The following ZNF208 variants were observed in gnomAD, a reference collection of about 807,000 sequenced individuals.
The protein encoded by ZNF208 is zinc finger protein 95.
ZNF208 carries 10 observed loss-of-function variants against 12.1 expected under a neutral mutation model. That is an observed-to-expected ratio of 0.83 (90% CI 0.51 to 1.40). ZNF208 has a LOEUF of 1.40. Ranked by LOEUF, ZNF208 falls within the 40% of genes most tolerant of loss-of-function variation. ZNF208 has a pLI of 0.00. For missense variants in ZNF208, 1,652 were observed against 1,485.0 expected, an observed-to-expected ratio of 1.11 and a Z score of -1.85; for synonymous variants, 497 against 488.4, an observed-to-expected ratio of 1.02 and a Z score of -0.23.
rs561530503 is a variant in ZNF208 at position 21,969,097 on chromosome 19, T to C, written c.*2094A>G. ...TAATTGGGAGGCTGAGGTGGGAGAA[T>C]GGCATGAACCTGGAAGCTAGACCTT... On this transcript the variant is annotated 3_prime_UTR_variant, in exon 4 of 4. Transcript: ENST00000397126. Among the ~76,000 whole-genome samples, 1 of 152,254 alleles carries C rather than the reference T, an allele frequency of 6.6e-6. No individual in the cohort carries two copies. The highest frequency in any genetic ancestry group is 6.5e-5 in the Admixed American group (1 of 15,278).
At chr19:21,987,006 T>C (rs571482431) in intron 3 of ZNF208, 1 of 518,096 alleles carries the variant, frequency 1.9e-6, no homozygotes, top group Admixed American at 3.8e-5. Context: ...TGAAGGAAGA[T>C]TACTGAAGGG....
intron 1 of ZNF208, among the ~76,000 whole-genome samples, chr19:22,004,001 T>C (rs1050697594): frequency 1.3e-5 from 2 of 151,544 alleles, no homozygotes; most frequent in South Asian, 2.1e-4. Flanking sequence ...AAATCCCATC[T>C]ATAAAAAAAA....
At chr19:21,956,449 A>G (rs1023259076) in intron 4 of ZNF208, among the ~76,000 whole-genome samples, 1 of 152,226 alleles carries the variant, frequency 6.6e-6, no homozygotes, top group Non-Finnish European at 1.5e-5. Context: ...GAATCTACAG[A>G]GGCAGGCAGG....
At position 21,974,711 on chromosome 19, in the gene ZNF208, T is replaced by G. The variant is rs567221926; in HGVS notation, c.323A>C (p.His108Pro). ...VILRRYEKCG[H>P]ENLHLKIGYT... ...ACCAATTTTTAAGTGTAAATTCTCA[T>G]GTCCACATTTTTCATACCTTCTCAA... The change falls in exon 4 of 4, where the codon CAT becomes CCT. Residue 108 changes from histidine to proline, a missense_variant. Around this residue, in one of 3 missense-constraint regions of ZNF208, gnomAD observed 410 missense variants for 378.2 expected, o/e 1.08. Coordinates refer to ENST00000397126, the MANE Select transcript of ZNF208 (RefSeq NM_007153.3). 8.7e-6 allele frequency: 14 copies of G among 1,613,598 alleles called. No individual in the cohort carries two copies. In the Admixed American group the frequency reaches 1.2e-4, roughly 13 times the overall value.
At chr19:21,984,170 T>C (rs1970593720) in intron 3 of ZNF208, among the ~76,000 whole-genome samples, 1 of 152,166 alleles carries the variant, frequency 6.6e-6, no homozygotes, top group Non-Finnish European at 1.5e-5. Context: ...AAAGAAGTCT[T>C]ACCAAGTTTT....
chr19:21,989,986 C>G (rs563750308), intron 1 of ZNF208, among the ~76,000 whole-genome samples: 1 of 152,160 alleles, frequency 6.6e-6, no homozygotes, highest in South Asian at 2.1e-4. Flanking sequence ...GATATTAGCC[C>G]TTTGTCAGAT....
intron 4 of ZNF208, among the ~76,000 whole-genome samples, chr19:21,956,206 T>C (rs950100545): frequency 3.9e-5 from 6 of 152,156 alleles, no homozygotes; most frequent in Non-Finnish European, 7.4e-5. Context: ...AAGCTTCATC[T>C]CAGAGGGGCA....
intron 4 of ZNF208, among the ~76,000 whole-genome samples, chr19:21,944,456 T>A (rs970084453): frequency 6.6e-6 from 1 of 152,134 alleles, no homozygotes; most frequent in Non-Finnish European, 1.5e-5. Flanking sequence ...TTAGAAAAAA[T>A]AAATATATTA....
chr19:21,961,362 A>G (rs1405426478), downstream of ZNF208, among the ~76,000 whole-genome samples: 4 of 152,188 alleles, frequency 2.6e-5, no homozygotes, highest in African/African-American at 9.7e-5. Flanking sequence ...GGGCAAAAAG[A>G]GAACAAAGAT....
At chr19:21,954,787 C>T (rs1246867674) in intron 4 of ZNF208, among the ~76,000 whole-genome samples, 1 of 152,094 alleles carries the variant, frequency 6.6e-6, no homozygotes, top group Admixed American at 6.5e-5. Context: ...ACTCTTTATC[C>T]AATTTGCCAG....
rs377380486 is a variant in ZNF208, at chr19:21,987,328, G to C, written c.131-17C>G. 17 of 1,598,926 alleles carry C rather than the reference G, an allele frequency of 1.1e-5. No individual in the cohort carries two copies. The Middle Eastern group carries it at 6.7e-4, about 63-fold the overall frequency. On this transcript the variant is annotated splice_polypyrimidine_tract_variant and intron_variant, in intron 2 of 3. Transcript: ENST00000397126. ...CAGCAATACCTGTTTTATTAAAAATGAACAACATGCTTCTTGCTCATATTC... is the reference window on the plus strand; with the variant it reads ...CAGCAATACCTGTTTTATTAAAAATCAACAACATGCTTCTTGCTCATATTC...
chr19:21,972,683 T>C lies in ZNF208; in HGVS notation c.2351A>G (p.Lys784Arg). ...EKPYKCEECG[K>R]AFNRSAILIK... ...AAGGATTGCAGATCGGTTAAAAGCT[T>C]TGCCACATTCTTCACATTTGTAGGG... Residue 784 changes from lysine to arginine, a missense_variant, in exon 4 of 4, where the codon AAA (lysine) becomes AGA (arginine). Physicochemically the swap from Lys to Arg is conservative, Grantham distance 26. Coordinates refer to ENST00000397126, the MANE Select transcript of ZNF208 (RefSeq NM_007153.3). 1 of 1,590,672 alleles carries C rather than the reference T, an allele frequency of 6.3e-7. No individual in the cohort carries two copies. Among genetic ancestry groups the C allele is most frequent in the Non-Finnish European group, 8.6e-7 (1 of 1,166,438 alleles).
intron 1 of ZNF208, among the ~76,000 whole-genome samples, chr19:21,994,376 G>T (rs142686145): frequency 3.4e-4 from 52 of 152,268 alleles, no homozygotes; most frequent in South Asian, 1.0e-3. Flanking sequence ...AAAGGCAACA[G>T]GATTCATGAC....
rs1185727643 is a variant in ZNF208 at position 21,972,137 on chromosome 19, ATT to A, written c.2895_2896del (p.Lys965AsnfsTer4). 1.2e-6 allele frequency: 2 copies of A among 1,609,976 alleles called. No individual in the cohort carries two copies. The highest frequency in any genetic ancestry group is 2.7e-5 in the African/African-American group (2 of 74,392). ...TTTGTAAGGTTTCTCTTCAGTATGA[ATT>A]TTCTTATGATAACTAAGGGTTGAGG... On this transcript the variant is annotated frameshift_variant, in exon 4 of 4. Coordinates refer to ENST00000397126, the MANE Select transcript of ZNF208 (RefSeq NM_007153.3). LOFTEE classifies it low-confidence loss of function (END_TRUNC).
At position 21,974,767 on chromosome 19, in the gene ZNF208, C is replaced by T. The variant is rs1214558819; in HGVS notation, c.267G>A (p.Gln89=). 1 of 1,588,294 alleles carries T rather than the reference C, an allele frequency of 6.3e-7. No individual in the cohort carries two copies. The highest frequency in any genetic ancestry group is 1.4e-5 in the African/African-American group (1 of 73,616). Residue 89 remains glutamine (Q), a synonymous_variant, in exon 4 of 4, where the codon CAG becomes CAA. Coordinates refer to ENST00000397126, the MANE Select transcript of ZNF208 (RefSeq NM_007153.3). ...SHFAQDLWPE[Q]GIEDSFQKVI... ...CTTTTTGGAAAGAATCTTCTATGCC[C>T]TGCTCTGGCCAAAGATCTTGAGCAA...
At chr19:21,942,776 G>T (rs373907150) in intron 4 of ZNF208, among the ~76,000 whole-genome samples, 1 of 152,052 alleles carries the variant, frequency 6.6e-6, no homozygotes, top group Non-Finnish European at 1.5e-5. Flanking sequence ...AACCCCCTGA[G>T]TAGCTGGTAT....
At chr19:21,999,744 T>TA (rs1970909402) in intron 1 of ZNF208, among the ~76,000 whole-genome samples, 2 of 151,834 alleles carry the variant, frequency 1.3e-5, no homozygotes, top group Non-Finnish European at 2.9e-5. Context: ...CAATTCTGAG[T>TA]CAAAAAGAAT....
In ZNF208 at chr19:21,940,909, T is replaced by C. The variant is rs375439168; in HGVS notation, c.306-7672A>G. 9.6e-5 allele frequency: 15 copies of C among 155,974 alleles called. No individual in the cohort carries two copies. The East Asian group carries it at 2.2e-3, about 23-fold the overall frequency. The allele number at this position is 155,974 out of a possible 1,614,324, so 9.7% of individuals were successfully genotyped here. On this transcript the variant is annotated intron_variant, in intron 4 of 4. Transcript: ENST00000599916. ...AATGCTCTGGTTGACCTCGGATTTC[T>C]GCGCACTAAGCTGAGCCGCGACCCC...
In ZNF208 at chr19:21,967,812, G is replaced by A. The variant is rs1396926700; in HGVS notation, c.*3379C>T. ...CGTCATGGATAGTCTGATAAAAATAGCACTTAATCTGTAGGTTGCTTTAGG... is the reference window on the plus strand; with the variant it reads ...CGTCATGGATAGTCTGATAAAAATAACACTTAATCTGTAGGTTGCTTTAGG... On this transcript the variant is annotated 3_prime_UTR_variant, in exon 4 of 4. Coordinates refer to ENST00000397126, the MANE Select transcript of ZNF208 (RefSeq NM_007153.3). 1 of 152,024 alleles carries A rather than the reference G, an allele frequency of 6.6e-6. No individual in the cohort carries two copies. The highest frequency in any genetic ancestry group is 1.5e-5 in the Non-Finnish European group (1 of 68,004). The allele number at this position is 152,024 out of a possible 1,614,324, so 9.4% of individuals were successfully genotyped here.
Sources: allele counts gnomAD v4.1 joint callset (sites outside exome capture counted in the v4.1 genomes callset), GRCh38; gene constraint gnomAD v4.1.1; regional missense constraint gnomAD v4.1.1; transcripts MANE v1.5; gene names NCBI Gene and HGNC (gene_info 2026-07-23, HGNC 2026-07-21).